TYW3: variants seen among roughly 807,000 people sequenced by gnomAD.
TYW3 encodes tRNA wybutosine-synthesizing protein 3 homolog.
A neutral mutation model predicts 23.1 loss-of-function variants in TYW3; 26 were observed. The ratio of observed to expected loss-of-function variants is 1.13; its 90% confidence interval spans 0.83 to 1.56. The LOEUF is 1.56. TYW3 is among the 40% of genes most tolerant of loss of function. TYW3 has a pLI of 0.00. For missense variants in TYW3, 316 were observed against 311.9 expected (o/e 1.01, Z -0.10); for synonymous variants, 102 against 105.7 (o/e 0.97, Z 0.21).
At chr1:74,747,729 A>G (rs1291055355) in intron 3 of TYW3, among the ~76,000 whole-genome samples, 2 of 151,212 alleles carry the variant, frequency 1.3e-5, no homozygotes, top group African/African-American at 4.8e-5. Context: ...ATATGTATAC[A>G]CATATATACA....
chr1:74,744,645 C>G (rs1648492543), intron 3 of TYW3, among the ~76,000 whole-genome samples: 1 of 152,176 alleles, frequency 6.6e-6, no homozygotes, highest in Non-Finnish European at 1.5e-5. Context: ...AAATGTGTCC[C>G]ATCTGGGTTG....
chr1:74,749,555 T>G (rs750074210), intron 4 of TYW3, among the ~76,000 whole-genome samples: 2 of 152,210 alleles, frequency 1.3e-5, no homozygotes, highest in African/African-American at 2.4e-5. Flanking sequence ...TTGAACTATT[T>G]GAGATTACCC....
rs1011720316 is a variant in TYW3 at position 74,748,535 on chromosome 1, C to T, written c.355-216C>T. 1.2e-5 allele frequency: 6 copies of T among 488,146 alleles called. No individual in the cohort carries two copies. The South Asian group carries it at 1.8e-4, about 15-fold the overall frequency. The allele number at this position is 488,146 out of a possible 1,614,324, so 30.2% of individuals were successfully genotyped here. On this transcript the variant is annotated intron_variant, in intron 3 of 5. Coordinates refer to ENST00000370867, the MANE Select transcript of TYW3 (RefSeq NM_138467.3). The stretch of plus-strand genomic sequence containing the variant: ...ATTGAATTCTACTTTTACTCTTTCT[C>T]AATGACACATCCATAGTTCATATTT...
At chr1:74,742,390 T>C (rs987042249) in intron 3 of TYW3, among the ~76,000 whole-genome samples, 2 of 152,148 alleles carry the variant, frequency 1.3e-5, no homozygotes, top group African/African-American at 2.4e-5. Context: ...TGGCTTTGGG[T>C]ATAAGTACCT....
At chr1:74,748,941 T>C (rs1386376836) in intron 4 of TYW3, 119 bp downstream of exon 4, 1 of 911,420 alleles carries the variant, frequency 1.1e-6, no homozygotes, top group Non-Finnish European at 1.7e-6. Flanking sequence ...ATTCTCTTAC[T>C]CATAAACCCT....
At chr1:74,736,839 CTTGGACACAGCAGAAAGTTCATGGATA>C (rs1648171581) in intron 2 of TYW3, among the ~76,000 whole-genome samples, 1 of 152,176 alleles carries the variant, frequency 6.6e-6, no homozygotes, top group Non-Finnish European at 1.5e-5. Context: ...AACACATCCT[CTTGGACACAGCAGAAAGTTCATGGATA>C]TTGGACACCT....
chr1:74,757,528 A>C (rs1353172722), intron 5 of TYW3, among the ~76,000 whole-genome samples: 1 of 152,222 alleles, frequency 6.6e-6, no homozygotes, highest in Non-Finnish European at 1.5e-5. Context: ...ATCCTATTTG[A>C]AATGGCTATA....
Position 74,765,428 on chromosome 1 carries a change from C to T in TYW3, c.*1315C>T, listed in dbSNP as rs917692285. 6.6e-6 allele frequency: 1 copy of T among 152,100 alleles called. No individual in the cohort carries two copies. Among genetic ancestry groups the T allele is most frequent in the African/African-American group, 2.4e-5 (1 of 41,438 alleles). 9.4% of individuals were successfully genotyped at this position (152,100 alleles called of 1,614,324 possible). A position where few individuals can be genotyped will look rare whatever the true frequency, so the allele number is the denominator to read the frequency against. ...TCTGTACCACTTGGGAGGGAACATT[C>T]CCCTAGATGACAATGTCAGTGGCAC... is the stretch of plus-strand genomic sequence containing the variant. On this transcript the variant is annotated 3_prime_UTR_variant, in exon 6 of 6. Transcript: ENST00000370867.
intron 5 of TYW3, among the ~76,000 whole-genome samples, chr1:74,760,367 G>C (rs558184263): frequency 6.6e-6 from 1 of 152,344 alleles, no homozygotes; most frequent in East Asian, 1.9e-4. Flanking sequence ...AGGGTCAACT[G>C]TATACTTAAG....
intron 3 of TYW3, among the ~76,000 whole-genome samples, chr1:74,747,554 G>A (rs1207130992): frequency 2.7e-5 from 4 of 149,426 alleles, no homozygotes; most frequent in Non-Finnish European, 4.5e-5. Flanking sequence ...GGAGAATGGC[G>A]TGAACCCGGG....
In TYW3 at chr1:74,748,841, G is replaced by T; in HGVS notation, c.426+19G>T. 1.2e-6 allele frequency: 2 copies of T among 1,611,834 alleles called. No individual in the cohort carries two copies. The highest frequency in any genetic ancestry group is 1.1e-5 in the South Asian group (1 of 90,972). On this transcript the variant is annotated intron_variant, in intron 4 of 5. Coordinates refer to ENST00000370867, the MANE Select transcript of TYW3 (RefSeq NM_138467.3). ...TATGTTGGTAAGATATTTTGTCAAA[G>T]AGTAATTTTTTTAGTGTAAAGTGAT...
intron 3 of TYW3, among the ~76,000 whole-genome samples, chr1:74,747,583 G>A (rs1376388221): frequency 1.3e-5 from 2 of 148,700 alleles, no homozygotes; most frequent in Non-Finnish European, 3.0e-5. Context: ...CTTGCTGTGA[G>A]CCGAGATCCC....
Position 74,733,366 on chromosome 1 carries a change from A to G in TYW3, c.122A>G (p.Asp41Gly), listed in dbSNP as rs763354969. ...VELVQFLNMR[D>G]QFFTTSSCAG... ...CTTGTGCAGTTTCTGAACATGCGAG[A>G]TCAGTTTTTCACCACCAGCTCCTGC... Residue 41 changes from aspartate to glycine, a missense_variant, in exon 1 of 6, where the codon GAT becomes GGT. Physicochemically the swap from Asp to Gly is moderately conservative, Grantham distance 94 (BLOSUM62 -1). Transcript: ENST00000370867. The G allele has an allele frequency of 1.2e-6, 2 of 1,614,154 alleles. No homozygotes were observed. The highest frequency in any genetic ancestry group is 2.2e-5 in the South Asian group (2 of 91,078).
At chr1:74,743,582 C>T (rs1416212782) in intron 3 of TYW3, among the ~76,000 whole-genome samples, 1 of 152,130 alleles carries the variant, frequency 6.6e-6, no homozygotes, top group Non-Finnish European at 1.5e-5. Flanking sequence ...TGGTGGACAT[C>T]GTTGAGTAAT....
At chr1:74,737,623 G>GCATCCCC (rs1648195463) in intron 2 of TYW3, among the ~76,000 whole-genome samples, 1 of 152,172 alleles carries the variant, frequency 6.6e-6, no homozygotes, top group Non-Finnish European at 1.5e-5. Context: ...TGGGCAGACA[G>GCATCCCC]AAATAATAAC....
At chr1:74,745,461 G>T (rs1648533546) in intron 3 of TYW3, among the ~76,000 whole-genome samples, 1 of 151,928 alleles carries the variant, frequency 6.6e-6, no homozygotes, top group African/African-American at 2.4e-5. Flanking sequence ...TAGACACAGA[G>T]CACTGATTGG....
chr1:74,748,290 A>G (rs1278295544), intron 3 of TYW3, among the ~76,000 whole-genome samples: 1 of 152,218 alleles, frequency 6.6e-6, no homozygotes, highest in Non-Finnish European at 1.5e-5. Context: ...AATAACTTAC[A>G]AAGTCACCTC....
intron 5 of TYW3, among the ~76,000 whole-genome samples, chr1:74,757,484 A>T (rs1410224159): frequency 6.6e-6 from 1 of 152,248 alleles, no homozygotes; most frequent in African/African-American, 2.4e-5. Flanking sequence ...TTAGACTTCC[A>T]TGGGGCCTGT....
chr1:74,748,872 A>G (rs758967720), intron 4 of TYW3, 50 bp downstream of exon 4: 2 of 1,515,070 alleles, frequency 1.3e-6, no homozygotes, highest in Non-Finnish European at 1.8e-6. Flanking sequence ...GTGATCCAGA[A>G]ATTGAATAAC....
Sources: gnomAD v4.1 joint callset for allele counts (sites outside exome capture counted in the v4.1 genomes callset) on GRCh38, gnomAD v4.1.1 for gene constraint, MANE v1.5 for transcripts, NCBI Gene and HGNC (gene_info 2026-07-23, HGNC 2026-07-21) for gene names.